TBC1D30: variants seen among roughly 807,000 people sequenced by gnomAD.
The protein encoded by TBC1D30 is TBC1 domain family member 30.
A neutral mutation model predicts 63.2 loss-of-function variants in TBC1D30; 31 were observed. The ratio of observed to expected loss-of-function variants is 0.49; its 90% confidence interval spans 0.37 to 0.66. The LOEUF is 0.66. TBC1D30 is among the 30% of genes least tolerant of loss of function. TBC1D30 has a pLI of 0.00. For synonymous variants in TBC1D30, 307 were observed against 361.5 expected (o/e 0.85, Z 1.71); for missense variants, 810 against 953.6 (o/e 0.85, Z 1.98).
At chr12:64,771,981 G>A (rs760558097) in intron 1 of TBC1D30, among the ~76,000 whole-genome samples, 4 of 152,182 alleles carry the variant, frequency 2.6e-5, no homozygotes, top group Middle Eastern at 3.4e-3. Flanking sequence ...ATGGCCAGGC[G>A]CAGTGGCTCA....
chr12:64,782,422 A>G (rs1871344267), intron 1 of TBC1D30, among the ~76,000 whole-genome samples: 1 of 150,938 alleles, frequency 6.6e-6, no homozygotes, highest in Non-Finnish European at 1.5e-5. Context: ...TGATTGTTAC[A>G]GATAGCTTCC....
rs146855532 is a variant in TBC1D30, at chr12:64,834,457, A to G, written c.595-2033A>G. On this transcript the variant is annotated intron_variant, in intron 5 of 11. Transcript: ENST00000539867. ...AGTCTTGCTCTGTCACCCAGGCTAG[A>G]GTGCAGTGGCATGATCTTGTCTCAC... is the stretch of plus-strand genomic sequence containing the variant. Among the ~76,000 whole-genome samples the G allele has an allele frequency of 2.0e-3, 288 of 143,590 alleles. 1 individual carries two copies. The highest frequency in any genetic ancestry group is 7.2e-3 in the African/African-American group (278 of 38,600). The allele number at this position is 143,590 out of a possible 152,430, so 94.2% of individuals were successfully genotyped here. A position where few individuals can be genotyped will look rare whatever the true frequency, so the allele number is the denominator to read the frequency against.
intron 2 of TBC1D30, among the ~76,000 whole-genome samples, chr12:64,790,942 C>T (rs922951946): frequency 4.6e-5 from 7 of 152,010 alleles, no homozygotes; most frequent in Non-Finnish European, 8.8e-5. Context: ...GATTTCTACC[C>T]GAGAGAATTG....
At chr12:64,844,263 T>C (rs1353336231) in intron 8 of TBC1D30, among the ~76,000 whole-genome samples, 1 of 152,252 alleles carries the variant, frequency 6.6e-6, no homozygotes, top group African/African-American at 2.4e-5. Context: ...TTTAGTTATT[T>C]TTTATGGCAT....
At chr12:64,798,077 A>T (rs564686077) in intron 2 of TBC1D30, among the ~76,000 whole-genome samples, 4 of 152,344 alleles carry the variant, frequency 2.6e-5, no homozygotes, top group African/African-American at 9.6e-5. Context: ...CTATGTTTTG[A>T]AGACAGAATT....
Position 64,864,752 on chromosome 12 carries a change from G to C in TBC1D30, c.1123G>C (p.Ala375Pro). 1 of 1,536,074 alleles carries C rather than the reference G, an allele frequency of 6.5e-7. No homozygotes were observed. Among genetic ancestry groups the C allele is most frequent in the Non-Finnish European group, 8.7e-7 (1 of 1,146,868 alleles). ...CACCTACAACATTACACCGTTCCCA[G>C]CCACAGTTAAACCCACCTCAGTTTC... ...KYTYNITPFP[A>P]TVKPTSVSGR... is the part of the protein sequence containing the mutation. The change falls in exon 9 of 12, where the codon GCC becomes CCC. Residue 375 changes from alanine to proline, a missense_variant. Transcript: ENST00000539867.
chr12:64,834,886 A>G (rs1288245183), intron 5 of TBC1D30, among the ~76,000 whole-genome samples: 1 of 151,632 alleles, frequency 6.6e-6, no homozygotes, highest in African/African-American at 2.4e-5. Flanking sequence ...GCTTGTTTTC[A>G]TGTAATTTTG....
chr12:64,841,410 C>T (rs1266090024), intron 7 of TBC1D30, among the ~76,000 whole-genome samples: 1 of 152,206 alleles, frequency 6.6e-6, no homozygotes, highest in East Asian at 1.9e-4. Flanking sequence ...CCATGCCTGG[C>T]CCACTGTGGT....
chr12:64,799,950 C>CA (rs1455441756), intron 2 of TBC1D30, among the ~76,000 whole-genome samples: 1 of 152,066 alleles, frequency 6.6e-6, no homozygotes. Flanking sequence ...ACTAAAAATA[C>CA]AAAAAATTAG....
chr12:64,865,490 A>T (rs568169540), intron 9 of TBC1D30, among the ~76,000 whole-genome samples: 12 of 152,154 alleles, frequency 7.9e-5, no homozygotes, highest in African/African-American at 2.6e-4. Flanking sequence ...CTGTGGAAGG[A>T]TATTTTTAAC....
At chr12:64,808,791 A>G (rs1274848021) in intron 2 of TBC1D30, among the ~76,000 whole-genome samples, 1 of 150,436 alleles carries the variant, frequency 6.6e-6, no homozygotes, top group Non-Finnish European at 1.5e-5. Flanking sequence ...TCCTCTTGTG[A>G]TGGGTTTGTT....
chr12:64,796,459 G>A (rs750086641), intron 2 of TBC1D30, among the ~76,000 whole-genome samples: 3 of 152,046 alleles, frequency 2.0e-5, no homozygotes, highest in Non-Finnish European at 4.4e-5. Context: ...TTACGTGAGA[G>A]AAGTATTATA....
At chr12:64,773,894 A>G (rs1275388060) in intron 1 of TBC1D30, among the ~76,000 whole-genome samples, 1 of 152,246 alleles carries the variant, frequency 6.6e-6, no homozygotes, top group Non-Finnish European at 1.5e-5. Flanking sequence ...TTTCCTCCAA[A>G]TGACTGCATC....
chr12:64,878,059 G>T lies in TBC1D30; in HGVS notation c.*2271G>T, dbSNP rs1170126658. 1.1e-5 allele frequency: 2 copies of T among 185,768 alleles called. No individual in the cohort carries two copies. The highest frequency in any genetic ancestry group is 1.2e-4 in the South Asian group (1 of 8,574). 11.5% of individuals were successfully genotyped at this position (185,768 alleles called of 1,614,324 possible). On this transcript the variant is annotated 3_prime_UTR_variant, in exon 12 of 12. Coordinates refer to ENST00000539867, the MANE Select transcript of TBC1D30 (RefSeq NM_015279.2). ...CCAGGGTTGGTCTTCCTGAGAAGGG[G>T]ATGGATGAGGTAACACACAGTTTGG...
chr12:64,824,606 G>A (rs1874125720), upstream of TBC1D30: 2 of 343,578 alleles, frequency 5.8e-6, no homozygotes, highest in Non-Finnish European at 1.0e-5. Flanking sequence ...TCGCTCGCTC[G>A]CTCGCTCCCG....
chr12:64,840,004 C>CAAAAAAAAA (rs60440376), intron 7 of TBC1D30, among the ~76,000 whole-genome samples: 31 of 98,316 alleles, frequency 3.2e-4, no homozygotes, highest in African/African-American at 1.3e-3. Context: ...GACTCTGTCT[C>CAAAAAAAAA]AAAAAAAAAA....
At chr12:64,842,049 C>T (rs760092581) in intron 7 of TBC1D30, among the ~76,000 whole-genome samples, 47 of 152,240 alleles carry the variant, frequency 3.1e-4, no homozygotes, top group Non-Finnish European at 6.2e-4. Flanking sequence ...ATACAAACAA[C>T]GTTGTCATAT....
chr12:64,865,313 T>C (rs1257578495), intron 9 of TBC1D30, among the ~76,000 whole-genome samples: 1 of 150,070 alleles, frequency 6.7e-6, no homozygotes, highest in Non-Finnish European at 1.5e-5. Context: ...ATAATAAAAT[T>C]AGCATAAGAA....
At chr12:64,798,655 G>C (rs939233288) in intron 2 of TBC1D30, among the ~76,000 whole-genome samples, 1 of 152,030 alleles carries the variant, frequency 6.6e-6, no homozygotes, top group Non-Finnish European at 1.5e-5. Context: ...AGTTATTCTG[G>C]GGATGAGTGG....
Sources: allele counts gnomAD v4.1 joint callset (sites outside exome capture counted in the v4.1 genomes callset), GRCh38; gene constraint gnomAD v4.1.1; transcripts MANE v1.5; gene names NCBI Gene and HGNC (gene_info 2026-07-23, HGNC 2026-07-21).